C12orf54: variants seen among roughly 807,000 people sequenced by gnomAD.
C12orf54 encodes the protein chromosome 12 open reading frame 54, also known as uncharacterized protein C12orf54.
In C12orf54, 24 loss-of-function variants were observed where a neutral mutation model predicts 26.4. The observed-to-expected ratio is 0.91, with a 90% CI of 0.66 to 1.28. C12orf54 has a LOEUF of 1.28. Among genes scored for constraint, C12orf54 ranks in the 50% most tolerant of loss-of-function variants. C12orf54 has a pLI of 0.00. For missense variants in C12orf54, 154 were observed against 150.9 expected, an observed-to-expected ratio of 1.02 and a Z score of -0.11; for synonymous variants, 54 against 47.0, an observed-to-expected ratio of 1.15 and a Z score of -0.61.
the C12orf54 span, among the ~76,000 whole-genome samples, chr12:48,455,016 G>A: frequency 6.6e-6 from 1 of 152,144 alleles, no homozygotes; most frequent in Non-Finnish European, 1.5e-5. Flanking sequence ...TGGGTAAATT[G>A]CGTGTCACTG....
chr12:48,488,154 C>T lies in C12orf54; in HGVS notation c.136-770C>T, dbSNP rs554425225. The stretch of plus-strand genomic sequence containing the variant: ...TGCCTGGAGACATTTCTACTGGAAC[C>T]TTATGAATGAGGGTATCCAGTATCT... On this transcript the variant is annotated intron_variant, in intron 4 of 8. Coordinates refer to ENST00000548364, the MANE Select transcript of C12orf54 (RefSeq NM_152319.4). The T allele has an allele frequency of 1.5e-4, 111 of 762,186 alleles. No individual in the cohort carries two copies. In the East Asian group the frequency reaches 2.5e-3, roughly 17 times the overall value. The allele number at this position is 762,186 out of a possible 1,614,324, so 47.2% of individuals were successfully genotyped here. A position where few individuals can be genotyped will look rare whatever the true frequency, so the allele number is the denominator to read the frequency against.
At chr12:48,423,154 G>A in the C12orf54 span, among the ~76,000 whole-genome samples, 1 of 152,064 alleles carries the variant, frequency 6.6e-6, no homozygotes, top group Non-Finnish European at 1.5e-5. Flanking sequence ...TGTTTTATAT[G>A]AGAAGATATT....
chr12:48,494,084 TG>T (rs1276760236), intron 7 of C12orf54, among the ~76,000 whole-genome samples: 8 of 107,628 alleles, frequency 7.4e-5, no homozygotes, highest in Non-Finnish European at 1.3e-4. Context: ...CTGGGCGTGG[TG>T]GCAGGTGCCT....
chr12:48,431,556 A>G, the C12orf54 span, among the ~76,000 whole-genome samples: 255 of 152,300 alleles, frequency 1.7e-3, 1 homozygote, highest in African/African-American at 6.0e-3. Flanking sequence ...ACAAAATATA[A>G]AACACAAGTG....
the C12orf54 span, among the ~76,000 whole-genome samples, chr12:48,434,995 A>G: frequency 5.3e-5 from 8 of 152,328 alleles, no homozygotes; most frequent in Admixed American, 1.3e-4. Context: ...CCAATGGCAA[A>G]GAAGTTAAAA....
At chr12:48,433,975 C>A in the C12orf54 span, among the ~76,000 whole-genome samples, 2 of 152,126 alleles carry the variant, frequency 1.3e-5, no homozygotes, top group African/African-American at 2.4e-5. Context: ...ATCACCTCAC[C>A]CCGGAAGCAT....
chr12:48,445,129 T>C, the C12orf54 span, among the ~76,000 whole-genome samples: 69,994 of 151,688 alleles, frequency 0.46, 17,204 homozygotes, highest in East Asian at 0.72. Flanking sequence ...GCCAAGATCG[T>C]GCCACTGCAC....
At chr12:48,483,203 A>T in intron 1 of C12orf54, 37 bp from the exon 2 acceptor site, 1 of 1,084,728 alleles carries the variant, frequency 9.2e-7, no homozygotes, top group Non-Finnish European at 1.4e-6. Context: ...CTCACCATGT[A>T]CCTGCCTTCT....
chr12:48,471,783 T>C, the C12orf54 span, among the ~76,000 whole-genome samples: 6 of 152,310 alleles, frequency 3.9e-5, no homozygotes, highest in South Asian at 1.2e-3. Context: ...GTGTGATGTC[T>C]CTGGCTTTGT....
At chr12:48,436,257 A>G in the C12orf54 span, among the ~76,000 whole-genome samples, 9 of 152,212 alleles carry the variant, frequency 5.9e-5, no homozygotes, top group Non-Finnish European at 8.8e-5. Flanking sequence ...AGATTCATAA[A>G]GCAAGTCCTG....
At chr12:48,471,046 A>C in the C12orf54 span, among the ~76,000 whole-genome samples, 1 of 152,094 alleles carries the variant, frequency 6.6e-6, no homozygotes, top group Non-Finnish European at 1.5e-5. Flanking sequence ...TGTGCTATCA[A>C]ATAGTAGGTC....
the C12orf54 span, among the ~76,000 whole-genome samples, chr12:48,427,646 C>T: frequency 1.3e-5 from 2 of 151,970 alleles, no homozygotes; most frequent in African/African-American, 4.8e-5. Context: ...CATATATGCA[C>T]CTAACACGGG....
chr12:48,477,637 GA>G (rs1954157076), upstream of C12orf54, among the ~76,000 whole-genome samples: 1 of 152,154 alleles, frequency 6.6e-6, no homozygotes, highest in Non-Finnish European at 1.5e-5. Context: ...AAATAAACTA[GA>G]AAATCTAGAA....
At position 48,495,370 on chromosome 12, in the gene C12orf54, G is replaced by A. The variant is rs141057178; in HGVS notation, c.*40+391G>A. On this transcript the variant is annotated intron_variant, in intron 8 of 8. Transcript: ENST00000548364. ...TGAGTCCTATAATTCCCTCTGGAAA[G>A]TGCTCTAGAAACTTGCACTACTTTG... is the stretch of plus-strand genomic sequence containing the variant. Among the ~76,000 whole-genome samples the A allele has an allele frequency of 9.2e-5, 14 of 152,320 alleles. No homozygotes were observed. In the East Asian group the frequency reaches 2.7e-3, roughly 29 times the overall value.
the C12orf54 span, among the ~76,000 whole-genome samples, chr12:48,414,677 C>T: frequency 1.3e-5 from 2 of 152,132 alleles, no homozygotes; most frequent in Non-Finnish European, 2.9e-5. Context: ...AATCTGGGCC[C>T]TAAGTTGCTG....
the C12orf54 span, among the ~76,000 whole-genome samples, chr12:48,446,853 T>C: frequency 2.6e-5 from 4 of 152,196 alleles, 1 homozygote; most frequent in African/African-American, 9.7e-5. Context: ...AAAATCTTAA[T>C]AGCTGAAACT....
chr12:48,421,050 G>A, the C12orf54 span, among the ~76,000 whole-genome samples: 1 of 151,984 alleles, frequency 6.6e-6, no homozygotes, highest in Non-Finnish European at 1.5e-5. Flanking sequence ...CCTCTCCACA[G>A]GCACCTCTTC....
At chr12:48,492,874 A>G in intron 6 of C12orf54, 73 bp from the exon 7 acceptor site, 1 of 1,348,340 alleles carries the variant, frequency 7.4e-7, no homozygotes, top group Middle Eastern at 1.8e-4. Context: ...CAAATCAAGG[A>G]TGTGAGCTGG....
chr12:48,461,540 T>A, the C12orf54 span, among the ~76,000 whole-genome samples: 1 of 151,870 alleles, frequency 6.6e-6, no homozygotes, highest in Non-Finnish European at 1.5e-5. Context: ...AAATATTTTA[T>A]CTGATTATTA....
Sources: allele counts gnomAD v4.1 joint callset (sites outside exome capture counted in the v4.1 genomes callset), GRCh38; gene constraint gnomAD v4.1.1; transcripts MANE v1.5; gene names NCBI Gene and HGNC (gene_info 2026-07-23, HGNC 2026-07-21).